The following VAPB variants were observed in gnomAD, a reference collection of about 807,000 sequenced individuals.
VAPB encodes the protein vesicle-associated membrane protein-associated protein B/C.
A neutral mutation model predicts 25.6 loss-of-function variants in VAPB; 7 were observed. The observed-to-expected ratio is 0.27, with a 90% CI of 0.16 to 0.51. The LOEUF (loss-of-function observed/expected upper bound fraction) is 0.51, where lower values mean the gene tolerates loss of function less well. Ranked by LOEUF, VAPB falls within the 20% of genes least tolerant of loss-of-function variation. VAPB has a pLI of 0.97. For missense variants in VAPB, 266 were observed against 301.3 expected (o/e 0.88, Z 0.87); for synonymous variants, 112 against 109.2 (o/e 1.03, Z -0.16).
intron 1 of VAPB, among the ~76,000 whole-genome samples, chr20:58,407,514 A>G (rs1988259557): frequency 6.6e-6 from 1 of 152,198 alleles, no homozygotes; most frequent in South Asian, 2.1e-4. Context: ...GATAATATAA[A>G]TACCCCAGTA....
At position 58,418,351 on chromosome 20, in the gene VAPB, A is replaced by G. The variant is rs772975721; in HGVS notation, c.199A>G (p.Ile67Val). 1.2e-5 allele frequency: 20 copies of G among 1,614,172 alleles called. No homozygotes were observed. The highest frequency in any genetic ancestry group is 1.1e-4 in the East Asian group (5 of 44,882). Residue 67 changes from isoleucine to valine, a missense_variant, in exon 2 of 6, where the codon ATT becomes GTT. Transcript: ENST00000475243. ...CGGAATCATCGATGCAGGGGCCTCA[A>G]TTAATGTATCTGGTAAGTCCTGAGA... The part of the protein sequence containing the change: ...NSGIIDAGAS[I>V]NVSVMLQPFD...
At chr20:58,437,129 CTATTTTTT>C (rs1276330976) in intron 3 of VAPB, among the ~76,000 whole-genome samples, 1 of 150,302 alleles carries the variant, frequency 6.7e-6, no homozygotes, top group Admixed American at 6.7e-5. Context: ...ACCATGCCGG[CTATTTTTT>C]TATTTTTTTA....
At chr20:58,428,913 G>T (rs1349481348) in intron 2 of VAPB, among the ~76,000 whole-genome samples, 1 of 152,176 alleles carries the variant, frequency 6.6e-6, no homozygotes, top group Non-Finnish European at 1.5e-5. Flanking sequence ...AAGTTTCACA[G>T]AATCTGGGTG....
rs141645071 is a variant in VAPB, at chr20:58,399,653, G to A, written c.58+10136G>A. Among the ~76,000 whole-genome samples, 1,046 of 150,622 alleles carry A rather than the reference G, an allele frequency of 6.9e-3. 16 individuals carry two copies. Among genetic ancestry groups the A allele is most frequent in the African/African-American group, 0.024 (994 of 41,032 alleles). On this transcript the variant is annotated intron_variant, in intron 1 of 5. Coordinates refer to ENST00000475243, the MANE Select transcript of VAPB (RefSeq NM_004738.5). Reference sequence around the variant, plus strand: ...ATCGCTTGAACCCAGGAGGGCAGAGGTTGCAGCTAGCTGAGATTGTGCCTC... The same window carrying A: ...ATCGCTTGAACCCAGGAGGGCAGAGATTGCAGCTAGCTGAGATTGTGCCTC...
chr20:58,434,584 A>C lies in VAPB; in HGVS notation c.212-18A>C, dbSNP rs769657212. 7.9e-7 allele frequency: 1 copy of C among 1,271,742 alleles called. No individual in the cohort carries two copies. Among genetic ancestry groups the C allele is most frequent in the South Asian group, 1.2e-5 (1 of 84,148 alleles). The allele number at this position is 1,271,742 out of a possible 1,614,324, so 78.8% of individuals were successfully genotyped here. A position where few individuals can be genotyped will look rare whatever the true frequency, so the allele number is the denominator to read the frequency against. ...CAACCAAGCTCTGACCCTCCTAATG[A>C]AATATTTTCTTTCTCAGTGATGTTA... On this transcript the variant is annotated intron_variant, in intron 2 of 5. Coordinates refer to ENST00000475243, the MANE Select transcript of VAPB (RefSeq NM_004738.5).
intron 4 of VAPB, chr20:58,440,310 C>T: frequency 6.5e-6 from 1 of 153,216 alleles, no homozygotes; most frequent in Non-Finnish European, 1.5e-5. Flanking sequence ...TGCTTCCATG[C>T]CCTCCCTCCA....
chr20:58,444,038 G>C, intron 5 of VAPB, 39 bp from the exon 6 acceptor site: 3 of 1,614,120 alleles, frequency 1.9e-6, no homozygotes, highest in East Asian at 2.2e-5. Flanking sequence ...CCTTTCTGGT[G>C]CCTTGGCTTG....
rs1568700275 is a variant in VAPB, at chr20:58,402,561, C to CTTTTTTTTTTTTTTT, written c.58+13044_58+13045insTTTTTTTTTTTTTTT. Among the ~76,000 whole-genome samples, 18 of 112,022 alleles carry CTTTTTTTTTTTTTTT rather than the reference C, an allele frequency of 1.6e-4. 6 individuals carry two copies. Among genetic ancestry groups the CTTTTTTTTTTTTTTT allele is most frequent in the African/African-American group, 1.0e-4 (3 of 30,064 alleles). The allele number at this position is 112,022 out of a possible 152,430, so 73.5% of individuals were successfully genotyped here. A position where few individuals can be genotyped will look rare whatever the true frequency, so the allele number is the denominator to read the frequency against. On this transcript the variant is annotated intron_variant, in intron 1 of 5. Transcript: ENST00000475243. ...GCTGTTAGTCAGCAAGCCCCCCCAC[C>CTTTTTTTTTTTTTTT]CTTTTTTTTTTTTTTTTTTTAGATT... is the stretch of plus-strand genomic sequence containing the variant.
intron 2 of VAPB, among the ~76,000 whole-genome samples, chr20:58,433,778 G>A (rs1170708427): frequency 1.3e-5 from 2 of 152,230 alleles, no homozygotes; most frequent in Non-Finnish European, 2.9e-5. Context: ...CCACTGTTGT[G>A]GTCAAGGCCA....
Position 58,448,563 on chromosome 20 carries a change from A to G in VAPB, c.*4328A>G, listed in dbSNP as rs1452438053. The G allele has an allele frequency of 4.4e-6, 2 of 454,096 alleles. No individual in the cohort carries two copies. The highest frequency in any genetic ancestry group is 8.8e-6 in the Non-Finnish European group (2 of 226,790). 28.1% of individuals were successfully genotyped at this position (454,096 alleles called of 1,614,324 possible). On this transcript the variant is annotated 3_prime_UTR_variant, in exon 6 of 6. Transcript: ENST00000475243. ...TTTTAGAACTAAATCAGTCTCTGTA[A>G]GGCCTACATTGCTAAGATACCATTT...
intron 3 of VAPB, among the ~76,000 whole-genome samples, chr20:58,435,377 GA>G (rs1253339781): frequency 1.3e-5 from 2 of 152,136 alleles, no homozygotes; most frequent in East Asian, 3.9e-4. Flanking sequence ...GCTGGGAGTT[GA>G]ATTGAAATCT....
chr20:58,399,931 A>T (rs1272377427), intron 1 of VAPB, among the ~76,000 whole-genome samples: 2 of 152,152 alleles, frequency 1.3e-5, no homozygotes, highest in Admixed American at 1.3e-4. Flanking sequence ...TTTCTGGGTT[A>T]ACTGGGTACT....
At position 58,449,928 on chromosome 20, in the gene VAPB, G is replaced by A; in HGVS notation, c.*5693G>A. The A allele has an allele frequency of 2.2e-6, 1 of 454,072 alleles. No individual in the cohort carries two copies. The highest frequency in any genetic ancestry group is 4.4e-6 in the Non-Finnish European group (1 of 226,796). 28.1% of individuals were successfully genotyped at this position (454,072 alleles called of 1,614,324 possible). ...AGCCATGTCTGACTGAAATAAAACAGGTTCCCTTTTTTTTTCCCTTTGGAA... is the reference window on the plus strand; with the variant it reads ...AGCCATGTCTGACTGAAATAAAACAAGTTCCCTTTTTTTTTCCCTTTGGAA... On this transcript the variant is annotated 3_prime_UTR_variant, in exon 6 of 6. Transcript: ENST00000475243.
At chr20:58,417,274 A>G (rs1988563236) in intron 1 of VAPB, among the ~76,000 whole-genome samples, 1 of 152,238 alleles carries the variant, frequency 6.6e-6, no homozygotes, top group Admixed American at 6.5e-5. Context: ...TAATAGGAAT[A>G]GTATTATTTC....
rs1989333486 is a variant in VAPB at position 58,447,847 on chromosome 20, G to A, written c.*3612G>A. On this transcript the variant is annotated 3_prime_UTR_variant, in exon 6 of 6. Coordinates refer to ENST00000475243, the MANE Select transcript of VAPB (RefSeq NM_004738.5). ...CTAAAGGAATGGCCCATTTCTCATT[G>A]TAGTTTGAGAAATACATGTATGAAG... 2.2e-6 allele frequency: 1 copy of A among 453,802 alleles called. No homozygotes were observed. The highest frequency in any genetic ancestry group is 4.4e-6 in the Non-Finnish European group (1 of 226,786). 28.1% of individuals were successfully genotyped at this position (453,802 alleles called of 1,614,324 possible). A position where few individuals can be genotyped will look rare whatever the true frequency, so the allele number is the denominator to read the frequency against.
At chr20:58,395,629 C>T (rs565679809) in intron 1 of VAPB, among the ~76,000 whole-genome samples, 1 of 152,142 alleles carries the variant, frequency 6.6e-6, no homozygotes, top group Non-Finnish European at 1.5e-5. Context: ...AAAACAAAAG[C>T]CTTTTGCGTT....
At chr20:58,393,796 G>C (rs549396795) in intron 1 of VAPB, among the ~76,000 whole-genome samples, 1 of 152,006 alleles carries the variant, frequency 6.6e-6, no homozygotes, top group Non-Finnish European at 1.5e-5. Context: ...GCAATGGCGC[G>C]ATCTTGGCTC....
intron 2 of VAPB, among the ~76,000 whole-genome samples, chr20:58,422,299 C>T (rs899913605): frequency 6.6e-6 from 1 of 152,004 alleles, no homozygotes. Context: ...GGTTTTGGCC[C>T]GTTGCTCCAT....
intron 1 of VAPB, among the ~76,000 whole-genome samples, chr20:58,390,683 A>T (rs1987774050): frequency 6.6e-6 from 1 of 152,202 alleles, no homozygotes; most frequent in Non-Finnish European, 1.5e-5. Context: ...CACCGGACTC[A>T]CAGTAGATGC....
Sources: allele counts gnomAD v4.1 joint callset (sites outside exome capture counted in the v4.1 genomes callset), GRCh38; gene constraint gnomAD v4.1.1; transcripts MANE v1.5; gene names NCBI Gene and HGNC (gene_info 2026-07-23, HGNC 2026-07-21).